Variants in USP10 observed in about 807,000 individuals in gnomAD.
The protein encoded by USP10 is ubiquitin carboxyl-terminal hydrolase 10.
USP10 carries 22 observed loss-of-function variants against 84.5 expected under a neutral mutation model. The ratio of observed to expected loss-of-function variants is 0.26; its 90% CI spans 0.19 to 0.37. The LOEUF (loss-of-function observed/expected upper bound fraction) is 0.37, where lower values mean the gene tolerates loss of function less well. Ranked by LOEUF, USP10 falls within the 10% of genes least tolerant of loss-of-function variation. The pLI, the probability that USP10 is intolerant of heterozygous loss-of-function variation, is 1.00. For missense variants in USP10, 1,019 were observed against 998.9 expected, an observed-to-expected ratio of 1.02 and a Z score of -0.27; for synonymous variants, 454 against 387.6, an observed-to-expected ratio of 1.17 and a Z score of -2.01.
At chr16:84,729,102 A>G (rs8048680) in intron 1 of USP10, among the ~76,000 whole-genome samples, 29,828 of 152,198 alleles carry the variant, frequency 0.2, 3,570 homozygotes, top group East Asian at 0.38. Flanking sequence ...CTGGCCAAGC[A>G]ACACTTTGTC....
intron 1 of USP10, among the ~76,000 whole-genome samples, chr16:84,703,402 G>T (rs993367700): frequency 6.6e-6 from 1 of 152,134 alleles, no homozygotes; most frequent in Non-Finnish European, 1.5e-5. Flanking sequence ...TCTCTGCATA[G>T]ACTCACCCCA....
In USP10 at chr16:84,745,076, G is replaced by A. The variant is rs1168935263; in HGVS notation, c.595G>A (p.Asp199Asn). The change falls in exon 4 of 14, where the codon GAC becomes AAC. Residue 199 changes from aspartate to asparagine, a missense_variant. Physicochemically the swap from Asp to Asn is conservative, Grantham distance 23. Around this residue, in one of 2 missense-constraint regions of USP10, gnomAD observed 787 missense variants for 708.8 expected, o/e 1.11. Coordinates refer to ENST00000219473, the MANE Select transcript of USP10 (RefSeq NM_005153.3). The stretch of plus-strand genomic sequence containing the variant: ...TGCAGAGGATGCAGAATTTATGGGT[G>A]ACATGCCCCCGTCAGTTACGCCCAG... ...VSAEDAEFMG[D>N]MPPSVTPRTC... The A allele has an allele frequency of 3.1e-6, 5 of 1,613,684 alleles. No homozygotes were observed. The African/African-American group carries it at 5.3e-5, about 17-fold the overall frequency.
intron 7 of USP10, 82 bp downstream of exon 7, chr16:84,760,028 T>C (rs1913023364): frequency 6.4e-7 from 1 of 1,561,222 alleles, no homozygotes; most frequent in Non-Finnish European, 8.8e-7. Context: ...AAATTCAGTC[T>C]TGTTGGGAAG....
In USP10 at chr16:84,773,976, G is replaced by A. The variant is rs373736693; in HGVS notation, c.2144-1184G>A. Among the ~76,000 whole-genome samples, 403 of 152,254 alleles carry A rather than the reference G, an allele frequency of 2.6e-3. 2 individuals carry two copies. Among genetic ancestry groups the A allele is most frequent in the Middle Eastern group, 0.021 (6 of 292 alleles). On this transcript the variant is annotated intron_variant, in intron 12 of 13. Transcript: ENST00000219473. ...AATATGACATAAATGGGGGCTGGGC[G>A]CAGTGGCTCACACCTGTAATCCCAG... is the stretch of plus-strand genomic sequence containing the variant.
At position 84,738,099 on chromosome 16, in the gene USP10, G is replaced by T. The variant is rs11149679; in HGVS notation, c.91-2210G>T. 2.0e-5 allele frequency among the ~76,000 whole-genome samples: 3 copies of T among 151,746 alleles called. No homozygotes were observed. In the South Asian group the frequency reaches 6.2e-4, roughly 32 times the overall value. On this transcript the variant is annotated intron_variant, in intron 2 of 13. Coordinates refer to ENST00000219473, the MANE Select transcript of USP10 (RefSeq NM_005153.3). ...CAGGGTTCTAACAGCTCTCTGCCTT[G>T]TGAAGTGGATGGGTGAAGAGGTCCC...
chr16:84,734,015 C>T (rs996134405), intron 2 of USP10, among the ~76,000 whole-genome samples: 2 of 152,152 alleles, frequency 1.3e-5, no homozygotes, highest in African/African-American at 4.8e-5. Context: ...CTGCAATTTA[C>T]TTACATATTT....
intron 1 of USP10, among the ~76,000 whole-genome samples, chr16:84,715,969 G>T (rs1906961323): frequency 6.6e-6 from 1 of 152,172 alleles, no homozygotes; most frequent in Non-Finnish European, 1.5e-5. Context: ...GTGCATCCCA[G>T]AATTTTAGGC....
At chr16:84,721,945 T>C (rs908758469) in intron 1 of USP10, among the ~76,000 whole-genome samples, 5 of 152,236 alleles carry the variant, frequency 3.3e-5, no homozygotes, top group Non-Finnish European at 7.3e-5. Context: ...TCCTCTCACC[T>C]TGGCCTCCCA....
intron 4 of USP10, among the ~76,000 whole-genome samples, chr16:84,754,490 G>A (rs910869471): frequency 6.6e-6 from 1 of 152,180 alleles, no homozygotes; most frequent in Non-Finnish European, 1.5e-5. Flanking sequence ...GGGCCCGTAC[G>A]TATGTTCTGC....
At chr16:84,750,134 A>G (rs1035662721) in intron 4 of USP10, among the ~76,000 whole-genome samples, 1 of 152,172 alleles carries the variant, frequency 6.6e-6, no homozygotes, top group Non-Finnish European at 1.5e-5. Context: ...ACAGCCCGGC[A>G]CAGTGGCTCA....
At chr16:84,752,526 G>C (rs1246577456) in intron 4 of USP10, among the ~76,000 whole-genome samples, 1 of 152,190 alleles carries the variant, frequency 6.6e-6, no homozygotes, top group East Asian at 1.9e-4. Flanking sequence ...TTTAGGCTAG[G>C]AATAACATTG....
chr16:84,774,779 G>A (rs1375898215), intron 12 of USP10, among the ~76,000 whole-genome samples: 2 of 152,144 alleles, frequency 1.3e-5, no homozygotes, highest in Non-Finnish European at 2.9e-5. Context: ...TGTAATTGAA[G>A]TTTTATGATC....
At chr16:84,771,305 A>C (rs1265767962) in intron 11 of USP10, among the ~76,000 whole-genome samples, 14 of 152,290 alleles carry the variant, frequency 9.2e-5, no homozygotes, top group South Asian at 2.1e-4. Context: ...GAATCCCAGC[A>C]CGGTGGGAGA....
chr16:84,730,378 T>G (rs570208450), intron 1 of USP10, among the ~76,000 whole-genome samples: 1 of 152,314 alleles, frequency 6.6e-6, no homozygotes, highest in East Asian at 1.9e-4. Flanking sequence ...TTCCCCTAGT[T>G]AATTCTGTAA....
At chr16:84,750,901 T>G (rs908831070) in intron 4 of USP10, among the ~76,000 whole-genome samples, 4 of 152,180 alleles carry the variant, frequency 2.6e-5, no homozygotes, top group Non-Finnish European at 5.9e-5. Flanking sequence ...CAAAACCTGT[T>G]TATATGATTT....
At chr16:84,736,788 T>A (rs1483557858) in intron 2 of USP10, among the ~76,000 whole-genome samples, 3 of 152,030 alleles carry the variant, frequency 2.0e-5, no homozygotes, top group Non-Finnish European at 4.4e-5. Context: ...AGTTCTTAAT[T>A]TGGTGTGTTT....
At chr16:84,713,348 G>C (rs1225044367) in intron 1 of USP10, among the ~76,000 whole-genome samples, 1 of 151,944 alleles carries the variant, frequency 6.6e-6, no homozygotes, top group Non-Finnish European at 1.5e-5. Context: ...CTCTGTGCCT[G>C]GGCCATCTTC....
At chr16:84,759,548 A>G (rs760482229) in intron 6 of USP10, 76 bp downstream of exon 6, 33 of 1,356,170 alleles carry the variant, frequency 2.4e-5, no homozygotes, top group Non-Finnish European at 3.5e-5. Context: ...ATAGTTTAGT[A>G]AAGCTCTTGA....
chr16:84,750,225 T>C (rs57351008), intron 4 of USP10, among the ~76,000 whole-genome samples: 20,352 of 151,920 alleles, frequency 0.13, 1,494 homozygotes, highest in East Asian at 0.28. Flanking sequence ...CTGGCCAACA[T>C]AGGGAAATCC....
Sources: allele counts gnomAD v4.1 joint callset (sites outside exome capture counted in the v4.1 genomes callset), GRCh38; gene constraint gnomAD v4.1.1; regional missense constraint gnomAD v4.1.1; transcripts MANE v1.5; gene names NCBI Gene and HGNC (gene_info 2026-07-23, HGNC 2026-07-21).